Variants in GAS7 observed in about 807,000 individuals in gnomAD.
GAS7 encodes the protein growth arrest specific 7.
A neutral mutation model predicts 71.1 loss-of-function variants in GAS7; 28 were observed. The observed-to-expected ratio is 0.39, with a 90% CI of 0.29 to 0.54. The LOEUF is 0.54. Ranked by LOEUF, GAS7 falls within the 20% of genes least tolerant of loss-of-function variation. The pLI, the probability that GAS7 is intolerant of heterozygous loss-of-function variation, is 0.62. For synonymous variants in GAS7, 258 were observed against 245.8 expected (o/e 1.05, Z -0.46); for missense variants, 436 against 627.8 (o/e 0.69, Z 3.27).
chr17:10,107,120 A>C (rs1475274122), intron 1 of GAS7, among the ~76,000 whole-genome samples: 1 of 152,236 alleles, frequency 6.6e-6, no homozygotes, highest in African/African-American at 2.4e-5. Context: ...CCGACACCTT[A>C]ATTTTTAGCC....
At chr17:10,050,039 T>C (rs140877440) in intron 1 of GAS7, among the ~76,000 whole-genome samples, 1 of 152,388 alleles carries the variant, frequency 6.6e-6, no homozygotes, top group East Asian at 1.9e-4. Flanking sequence ...TTTTCTTATT[T>C]CTGTTTTTCT....
At chr17:10,005,328 T>TATAC (rs1555617698) in intron 2 of GAS7, among the ~76,000 whole-genome samples, 73 of 149,288 alleles carry the variant, frequency 4.9e-4, no homozygotes, top group African/African-American at 1.8e-3. Context: ...CATATATATA[T>TATAC]ACACACACAC....
chr17:9,932,155 AG>A (rs1231904701), intron 9 of GAS7, among the ~76,000 whole-genome samples: 2 of 149,922 alleles, frequency 1.3e-5, no homozygotes, highest in African/African-American at 4.9e-5. Flanking sequence ...CGAGGAGGCC[AG>A]GGTCACTGGG....
At chr17:10,043,121 T>C (rs1456529966) in intron 1 of GAS7, among the ~76,000 whole-genome samples, 1 of 152,146 alleles carries the variant, frequency 6.6e-6, no homozygotes, top group Non-Finnish European at 1.5e-5. Flanking sequence ...CCTTGGGGCA[T>C]GCTCTTGCTT....
At chr17:10,127,388 G>A (rs1410808727) in intron 1 of GAS7, among the ~76,000 whole-genome samples, 1 of 152,140 alleles carries the variant, frequency 6.6e-6, no homozygotes, top group Admixed American at 6.5e-5. Flanking sequence ...GAGTGTGCCA[G>A]CTGGGGATGA....
chr17:10,113,910 T>C (rs969156055), intron 1 of GAS7, among the ~76,000 whole-genome samples: 1 of 152,112 alleles, frequency 6.6e-6, no homozygotes, highest in Non-Finnish European at 1.5e-5. Flanking sequence ...TGACCAAACA[T>C]ACTTCTGTCT....
intron 1 of GAS7, among the ~76,000 whole-genome samples, chr17:10,138,120 G>A (rs746242149): frequency 2.6e-5 from 4 of 151,656 alleles, no homozygotes; most frequent in African/African-American, 2.4e-5. Context: ...CCACCACAGC[G>A]CCCAGCTAAT....
At chr17:9,957,676 G>T (rs1326483752) in intron 5 of GAS7, among the ~76,000 whole-genome samples, 1 of 150,474 alleles carries the variant, frequency 6.6e-6, no homozygotes, top group Non-Finnish European at 1.5e-5. Context: ...ACAATTTGAA[G>T]ATGGGGACTG....
intron 11 of GAS7, among the ~76,000 whole-genome samples, chr17:9,921,688 G>A (rs1169798316): frequency 1.3e-5 from 2 of 152,108 alleles, no homozygotes; most frequent in African/African-American, 2.4e-5. Flanking sequence ...GGCCAGGCGC[G>A]GTGCCTCACG....
intron 2 of GAS7, among the ~76,000 whole-genome samples, chr17:10,001,529 G>A (rs8066733): frequency 6.6e-6 from 1 of 151,946 alleles, no homozygotes. Context: ...GGAGCTGAGC[G>A]CTCCCCTGCA....
chr17:10,040,549 G>C (rs1012968437), intron 1 of GAS7, among the ~76,000 whole-genome samples: 1 of 152,074 alleles, frequency 6.6e-6, no homozygotes, highest in Non-Finnish European at 1.5e-5. Flanking sequence ...AAACTAGAGG[G>C]AGGAAACCGG....
intron 1 of GAS7, among the ~76,000 whole-genome samples, chr17:10,095,037 G>C (rs2073626779): frequency 6.6e-6 from 1 of 152,088 alleles, no homozygotes; most frequent in East Asian, 1.9e-4. Flanking sequence ...TTAACAAAAA[G>C]GGCTCTGGAA....
At chr17:10,045,751 A>C (rs1169154003) in intron 1 of GAS7, among the ~76,000 whole-genome samples, 1 of 152,190 alleles carries the variant, frequency 6.6e-6, no homozygotes, top group African/African-American at 2.4e-5. Flanking sequence ...CCAGTTGAAA[A>C]GGCCTCCAAA....
chr17:9,916,384 C>T lies in GAS7; in HGVS notation c.*844G>A, dbSNP rs865778502. On this transcript the variant is annotated 3_prime_UTR_variant, in exon 14 of 14. Coordinates refer to ENST00000432992, the MANE Select transcript of GAS7 (RefSeq NM_201433.2). The stretch of plus-strand genomic sequence containing the variant: ...TGTTTCCATCCCTGAAGCCTTTGGA[C>T]GAGCTGGATGAGGTCTTGATAACTG... The T allele has an allele frequency of 4.3e-6, 1 of 233,266 alleles. No individual in the cohort carries two copies. The highest frequency in any genetic ancestry group is 6.0e-5 in the East Asian group (1 of 16,536). The allele number at this position is 233,266 out of a possible 1,614,324, so 14.4% of individuals were successfully genotyped here. A position where few individuals can be genotyped will look rare whatever the true frequency, so the allele number is the denominator to read the frequency against.
intron 2 of GAS7, 36 bp downstream of exon 2, chr17:10,019,741 G>T: frequency 6.3e-7 from 1 of 1,590,352 alleles, no homozygotes. Context: ...GAATGCCAGG[G>T]GGTTGGTGCA....
intron 8 of GAS7, among the ~76,000 whole-genome samples, chr17:9,935,380 T>C (rs1271062110): frequency 6.6e-5 from 10 of 152,198 alleles, no homozygotes; most frequent in African/African-American, 2.4e-4. Context: ...GGCTACATTC[T>C]CTATGATTTG....
chr17:9,942,826 G>A (rs540778770), intron 7 of GAS7, among the ~76,000 whole-genome samples: 1 of 152,358 alleles, frequency 6.6e-6, no homozygotes, highest in South Asian at 2.1e-4. Flanking sequence ...GAGGGATGTG[G>A]AGGCAATCCT....
chr17:10,049,781 C>A (rs556825800), intron 1 of GAS7, among the ~76,000 whole-genome samples: 11,486 of 151,660 alleles, frequency 0.076, 1,030 homozygotes, highest in African/African-American at 0.22. Flanking sequence ...CCACCACGCC[C>A]AGCTAATTTT....
chr17:9,963,801 C>A (rs80170779), intron 4 of GAS7, among the ~76,000 whole-genome samples: 1 of 151,866 alleles, frequency 6.6e-6, no homozygotes, highest in Non-Finnish European at 1.5e-5. Context: ...ATATATTAGG[C>A]GGCATTATTG....
Sources: gnomAD v4.1 joint callset for allele counts (sites outside exome capture counted in the v4.1 genomes callset) on GRCh38, gnomAD v4.1.1 for gene constraint, MANE v1.5 for transcripts, NCBI Gene and HGNC (gene_info 2026-07-23, HGNC 2026-07-21) for gene names.